The following SUMF1 variants were observed in gnomAD, a reference collection of about 807,000 sequenced individuals.
SUMF1 encodes formylglycine-generating enzyme.
In SUMF1, 48 loss-of-function variants were observed where a neutral mutation model predicts 47.6. That is an observed-to-expected ratio of 1.01 (90% CI 0.80 to 1.28). The LOEUF (loss-of-function observed/expected upper bound fraction) is 1.28. Ranked by LOEUF, SUMF1 falls within the 50% of genes most tolerant of loss-of-function variation. The probability of loss-of-function intolerance (pLI) is 0.00; values close to 1 mark genes in which losing one functional copy is unlikely to be tolerated. For synonymous variants in SUMF1, 230 were observed against 192.1 expected (o/e 1.20, Z -1.63); for missense variants, 571 against 485.4 (o/e 1.18, Z -1.66).
intron 8 of SUMF1, among the ~76,000 whole-genome samples, chr3:4,289,165 A>G (rs1247100140): frequency 2.1e-4 from 32 of 152,228 alleles, no homozygotes; most frequent in Non-Finnish European, 1.3e-4. Context: ...AAAATGGGGA[A>G]GATAGTGACA....
At chr3:4,377,378 T>C (rs1010473499) in intron 7 of SUMF1, among the ~76,000 whole-genome samples, 5 of 151,658 alleles carry the variant, frequency 3.3e-5, no homozygotes. Flanking sequence ...CAGGCACAGT[T>C]TGAGCACTTT....
intron 8 of SUMF1, among the ~76,000 whole-genome samples, chr3:4,235,642 T>A (rs1411538065): frequency 6.6e-6 from 1 of 152,102 alleles, no homozygotes; most frequent in African/African-American, 2.4e-5. Flanking sequence ...TACCTCTATG[T>A]ACTTACAAGG....
chr3:4,290,017 G>A (rs1697709238), intron 8 of SUMF1, among the ~76,000 whole-genome samples: 1 of 152,154 alleles, frequency 6.6e-6, no homozygotes, highest in African/African-American at 2.4e-5. Flanking sequence ...GGCATAATAG[G>A]CAAATCACAC....
intron 7 of SUMF1, among the ~76,000 whole-genome samples, chr3:4,405,977 A>T (rs1701361894): frequency 6.6e-6 from 1 of 152,160 alleles, no homozygotes; most frequent in South Asian, 2.1e-4. Flanking sequence ...TAAGAGGAAT[A>T]TCAGCAATCA....
chr3:4,162,689 G>T (rs1300656208), intron 8 of SUMF1, among the ~76,000 whole-genome samples: 1 of 152,168 alleles, frequency 6.6e-6, no homozygotes, highest in Admixed American at 6.5e-5. Context: ...AGAAGGATGG[G>T]AGTGAGGTGG....
intron 8 of SUMF1, among the ~76,000 whole-genome samples, chr3:4,113,938 A>T (rs1158456188): frequency 6.6e-6 from 1 of 152,110 alleles, no homozygotes; most frequent in East Asian, 1.9e-4. Context: ...GAACATTAAC[A>T]ACATATCCTA....
At chr3:4,376,657 C>G (rs1041271434) in intron 7 of SUMF1, among the ~76,000 whole-genome samples, 1 of 152,214 alleles carries the variant, frequency 6.6e-6, no homozygotes, top group African/African-American at 2.4e-5. Context: ...TCTCTAAGTC[C>G]CTACAGCATT....
chr3:4,125,142 G>C (rs530196325), intron 8 of SUMF1, among the ~76,000 whole-genome samples: 2 of 152,150 alleles, frequency 1.3e-5, no homozygotes, highest in South Asian at 4.2e-4. Flanking sequence ...AAAATTTGTA[G>C]ATAGCATAAA....
chr3:4,259,518 G>T (rs1032655440), intron 8 of SUMF1, among the ~76,000 whole-genome samples: 1 of 152,112 alleles, frequency 6.6e-6, no homozygotes, highest in Non-Finnish European at 1.5e-5. Context: ...TGGATTCGAT[G>T]TGGGATATAA....
downstream of SUMF1, among the ~76,000 whole-genome samples, chr3:4,358,400 C>G (rs1687882): frequency 0.43 from 65,968 of 152,000 alleles, 16,945 homozygotes; most frequent in African/African-American, 0.71. Flanking sequence ...TTTAATACTG[C>G]AACTGGCACA....
chr3:4,170,783 A>T (rs1443948926), intron 8 of SUMF1, among the ~76,000 whole-genome samples: 1 of 152,226 alleles, frequency 6.6e-6, no homozygotes, highest in Non-Finnish European at 1.5e-5. Context: ...TCCATTAACA[A>T]CAACAAAAAA....
intron 8 of SUMF1, among the ~76,000 whole-genome samples, chr3:4,232,701 T>C (rs1394407099): frequency 6.6e-6 from 1 of 152,168 alleles, no homozygotes; most frequent in Admixed American, 6.5e-5. Context: ...TATGGTATTT[T>C]TTTTTAAAAG....
At chr3:4,425,903 A>G (rs1042695896) in intron 3 of SUMF1, among the ~76,000 whole-genome samples, 1 of 152,202 alleles carries the variant, frequency 6.6e-6, no homozygotes, top group Non-Finnish European at 1.5e-5. Context: ...AGGGCAAGAG[A>G]GCATGTGCAG....
At position 4,111,445 on chromosome 3, in the gene SUMF1, C is replaced by T. The variant is rs114927753; in HGVS notation, c.1015-42700G>A. Among the ~76,000 whole-genome samples the T allele has an allele frequency of 1.8e-3, 269 of 152,040 alleles. 7 individuals are homozygous for T. Among genetic ancestry groups the T allele is most frequent in the African/African-American group, 6.2e-3 (256 of 41,426 alleles). On this transcript the variant is annotated intron_variant and NMD_transcript_variant, in intron 8 of 12. Coordinates refer to the SUMF1 transcript ENST00000448413. ...ATAAAACCTTTATTTCTCGGCCGGG[C>T]GCAGTGACTCACGCCTGTAATGCCA...
chr3:4,245,070 T>C lies in SUMF1; in HGVS notation c.1014+131260A>G, dbSNP rs190325035. On this transcript the variant is annotated intron_variant and NMD_transcript_variant, in intron 8 of 12. Transcript: ENST00000448413. ...TGTATGCTTCAAAAAGTTCTTGTAC[T>C]GTGGTTTTCAGCTCCATTAAGTCAT... Among the ~76,000 whole-genome samples, 3 of 152,196 alleles carry C rather than the reference T, an allele frequency of 2.0e-5. No individual in the cohort carries two copies. In the East Asian group the frequency reaches 5.8e-4, roughly 29 times the overall value.
chr3:4,177,553 A>T (rs2600123), intron 8 of SUMF1, among the ~76,000 whole-genome samples: 102,888 of 151,914 alleles, frequency 0.68, 34,992 homozygotes, highest in South Asian at 0.74. Flanking sequence ...TGTAGAGGGA[A>T]ATTTATAGCA....
At chr3:4,135,219 C>T (rs1049560613) in intron 8 of SUMF1, among the ~76,000 whole-genome samples, 2 of 152,094 alleles carry the variant, frequency 1.3e-5, no homozygotes, top group Non-Finnish European at 2.9e-5. Context: ...ATGCAAAAAT[C>T]CTCAATAAAA....
chr3:4,271,845 G>A (rs1306806149), intron 8 of SUMF1, among the ~76,000 whole-genome samples: 1 of 151,986 alleles, frequency 6.6e-6, no homozygotes, highest in Non-Finnish European at 1.5e-5. Context: ...CATAGCTTGT[G>A]CTCAGAAGTG....
At chr3:4,376,508 C>T in intron 7 of SUMF1, 119 bp from the exon 8 acceptor site, 1 of 992,128 alleles carries the variant, frequency 1.0e-6, no homozygotes, top group Non-Finnish European at 1.6e-6. Flanking sequence ...TCTCCACATG[C>T]ATTTCCACCC....
Sources: gnomAD v4.1 joint callset for allele counts (sites outside exome capture counted in the v4.1 genomes callset) on GRCh38, gnomAD v4.1.1 for gene constraint, MANE v1.5 for transcripts, NCBI Gene and HGNC (gene_info 2026-07-23, HGNC 2026-07-21) for gene names.